Variants in HNRNPC observed in about 807,000 individuals in gnomAD.
HNRNPC encodes heterogeneous nuclear ribonucleoproteins C1/C2.
In HNRNPC, 3 loss-of-function variants were observed where a neutral mutation model predicts 33.2. The ratio of observed to expected loss-of-function variants is 0.09; its 90% CI spans 0.04 to 0.23. The LOEUF (loss-of-function observed/expected upper bound fraction) is 0.23, where lower values mean the gene tolerates loss of function less well. Ranked by LOEUF, HNRNPC falls within the 10% of genes least tolerant of loss-of-function variation. The pLI is 1.00. For synonymous variants in HNRNPC, 121 were observed against 126.7 expected (o/e 0.96, Z 0.30); for missense variants, 143 against 366.7 (o/e 0.39, Z 4.98).
intron 2 of HNRNPC, among the ~76,000 whole-genome samples, chr14:21,242,236 G>A (rs929001136): frequency 6.6e-6 from 1 of 152,196 alleles, no homozygotes; most frequent in Non-Finnish European, 1.5e-5. Flanking sequence ...TGTAATCCCA[G>A]CACTTTGGGA....
chr14:21,240,058 C>T (rs770329703), intron 2 of HNRNPC, among the ~76,000 whole-genome samples: 2 of 152,082 alleles, frequency 1.3e-5, no homozygotes, highest in Non-Finnish European at 2.9e-5. Context: ...ACCAGGAATA[C>T]TAAGTTATTT....
intron 2 of HNRNPC, among the ~76,000 whole-genome samples, chr14:21,247,237 C>G (rs919356139): frequency 6.6e-6 from 1 of 151,906 alleles, no homozygotes; most frequent in Non-Finnish European, 1.5e-5. Context: ...ATTTCATCCT[C>G]TTCTACCTAG....
At chr14:21,240,317 G>A (rs564279093) in intron 2 of HNRNPC, among the ~76,000 whole-genome samples, 2 of 152,134 alleles carry the variant, frequency 1.3e-5, no homozygotes, top group East Asian at 3.8e-4. Flanking sequence ...ACTGTTCATT[G>A]TAAGTGTGAG....
intron 2 of HNRNPC, among the ~76,000 whole-genome samples, chr14:21,257,002 T>C (rs1877334645): frequency 6.6e-6 from 1 of 152,134 alleles, no homozygotes; most frequent in Admixed American, 6.6e-5. Flanking sequence ...AAGTCAAGGA[T>C]GGCTAGCCAA....
At chr14:21,230,203 TGGA>T in intron 5 of HNRNPC, 113 bp downstream of exon 5, 1 of 613,192 alleles carries the variant, frequency 1.6e-6, no homozygotes, top group Admixed American at 3.4e-5. Context: ...TTTTTTGTTT[TGGA>T]GTTAGGGGAG....
At chr14:21,242,103 A>G (rs1348077337) in intron 2 of HNRNPC, among the ~76,000 whole-genome samples, 1 of 152,216 alleles carries the variant, frequency 6.6e-6, no homozygotes, top group Non-Finnish European at 1.5e-5. Flanking sequence ...AAATGAAATA[A>G]AACAACTCTC....
rs773489095 is a variant in HNRNPC, at chr14:21,211,943, C to T, written c.524-20G>A. The T allele has an allele frequency of 6.4e-6, 10 of 1,556,698 alleles. No individual in the cohort carries two copies. In the East Asian group the frequency reaches 2.2e-4, roughly 35 times the overall value. Reference sequence around the variant, plus strand: ...CTTTCACTTTAATATAAACAAAATACTAGATTAAAATCAAATGTACCGAAG... The same window carrying T: ...CTTTCACTTTAATATAAACAAAATATTAGATTAAAATCAAATGTACCGAAG... On this transcript the variant is annotated intron_variant, in intron 6 of 8. Transcript: ENST00000553300.
intron 2 of HNRNPC, among the ~76,000 whole-genome samples, chr14:21,250,666 A>C (rs1896537880): frequency 6.6e-6 from 1 of 152,202 alleles, no homozygotes; most frequent in African/African-American, 2.4e-5. Flanking sequence ...TTGCAAATAA[A>C]ATGTCATGTT....
chr14:21,241,868 T>C lies in HNRNPC; in HGVS notation c.-36-7639A>G, dbSNP rs1037405635. 3.9e-5 allele frequency among the ~76,000 whole-genome samples: 6 copies of C among 152,206 alleles called. No homozygotes were observed. In the East Asian group the frequency reaches 5.8e-4, roughly 15 times the overall value. On this transcript the variant is annotated intron_variant, in intron 2 of 8. Coordinates refer to ENST00000553300, the MANE Select transcript of HNRNPC (RefSeq NM_004500.4). The stretch of plus-strand genomic sequence containing the variant: ...ATATTACTAAGACATTTTCAGCCTA[T>C]GAAGAAACAAAGTTGGCTACTTTTA...
chr14:21,261,235 CAT>C (rs1165349635), intron 2 of HNRNPC, among the ~76,000 whole-genome samples: 1 of 152,074 alleles, frequency 6.6e-6, no homozygotes, highest in Non-Finnish European at 1.5e-5. Flanking sequence ...AGCCCTTAAA[CAT>C]AATAAACTAT....
chr14:21,237,933 G>A (rs536891855), intron 2 of HNRNPC, among the ~76,000 whole-genome samples: 113 of 152,232 alleles, frequency 7.4e-4, no homozygotes, highest in Middle Eastern at 3.4e-3. Context: ...CACCAGGCCC[G>A]GCTAATTTTG....
chr14:21,217,823 A>G (rs1892353853), intron 5 of HNRNPC, among the ~76,000 whole-genome samples: 1 of 152,238 alleles, frequency 6.6e-6, no homozygotes, highest in South Asian at 2.1e-4. Flanking sequence ...ATCTTAATGA[A>G]ATGTTGCATA....
intron 5 of HNRNPC, among the ~76,000 whole-genome samples, chr14:21,224,247 C>A (rs1893165470): frequency 6.6e-6 from 1 of 152,100 alleles, no homozygotes; most frequent in African/African-American, 2.4e-5. Flanking sequence ...GTGCCCAGAA[C>A]AAAATTAGGG....
At chr14:21,212,180 G>A (rs778561077) in intron 6 of HNRNPC, among the ~76,000 whole-genome samples, 3 of 152,054 alleles carry the variant, frequency 2.0e-5, no homozygotes, top group Non-Finnish European at 4.4e-5. Context: ...CTATTCACAC[G>A]TATGATCACA....
chr14:21,212,439 C>T (rs760095374), intron 6 of HNRNPC, among the ~76,000 whole-genome samples: 3 of 152,164 alleles, frequency 2.0e-5, no homozygotes, highest in African/African-American at 2.4e-5. Context: ...AGGAACTTAA[C>T]GCACACCTCA....
At chr14:21,242,739 C>T (rs1255484859) in intron 2 of HNRNPC, among the ~76,000 whole-genome samples, 2 of 152,168 alleles carry the variant, frequency 1.3e-5, no homozygotes, top group African/African-American at 4.8e-5. Flanking sequence ...CATTGCATGC[C>T]TCCTGATGTG....
chr14:21,242,907 T>G (rs1475727578), intron 2 of HNRNPC, among the ~76,000 whole-genome samples: 1 of 152,114 alleles, frequency 6.6e-6, no homozygotes, highest in African/African-American at 2.4e-5. Context: ...GGGGCCTTTT[T>G]CTAGATTAAA....
intron 3 of HNRNPC, 175 bp from the exon 4 acceptor site, chr14:21,231,247 C>T: frequency 1.4e-6 from 1 of 693,036 alleles, no homozygotes; most frequent in Non-Finnish European, 2.6e-6. Flanking sequence ...GATTCTCCTG[C>T]CTCAGCCTCG....
chr14:21,267,576 C>T (rs190227265), intron 1 of HNRNPC, among the ~76,000 whole-genome samples: 292 of 152,246 alleles, frequency 1.9e-3, no homozygotes, highest in African/African-American at 6.7e-3. Flanking sequence ...AACCTGCAAC[C>T]TGGCCATCCT....
Sources: gnomAD v4.1 joint callset for allele counts (sites outside exome capture counted in the v4.1 genomes callset) on GRCh38, gnomAD v4.1.1 for gene constraint, MANE v1.5 for transcripts, NCBI Gene and HGNC (gene_info 2026-07-23, HGNC 2026-07-21) for gene names.